The following CRAMP1 variants were observed in gnomAD, a reference collection of about 807,000 sequenced individuals.
CRAMP1 encodes cramped chromatin regulator 1.
CRAMP1 carries 50 observed loss-of-function variants against 115.4 expected under a neutral mutation model. The observed-to-expected ratio is 0.43, with a 90% CI of 0.35 to 0.55. The LOEUF (loss-of-function observed/expected upper bound fraction) is 0.55. Ranked by LOEUF, CRAMP1 falls within the 20% of genes least tolerant of loss-of-function variation. The pLI, the probability that CRAMP1 is intolerant of heterozygous loss-of-function variation, is 0.01. For missense variants in CRAMP1, 1,679 were observed against 1,721.7 expected (o/e 0.98, Z 0.44); for synonymous variants, 866 against 745.4 (o/e 1.16, Z -2.64).
intron 3 of CRAMP1, among the ~76,000 whole-genome samples, chr16:1,627,149 CTT>C (rs879787589): frequency 5.5e-5 from 8 of 144,814 alleles, no homozygotes; most frequent in Admixed American, 6.9e-5. Context: ...GAGCCTTGTT[CTT>C]TTTTTTTTTT....
At chr16:1,634,792 G>A (rs935604898) in intron 4 of CRAMP1, among the ~76,000 whole-genome samples, 1 of 152,250 alleles carries the variant, frequency 6.6e-6, no homozygotes, top group Non-Finnish European at 1.5e-5. Flanking sequence ...TGAGGCTGGA[G>A]GCCACTAGGA....
Position 1,660,037 on chromosome 16 carries a change from C to T in CRAMP1, c.2387C>T (p.Pro796Leu), listed in dbSNP as rs915938562. Reference sequence around the variant, plus strand: ...TCCCTCCGCAGCAGCAAGACCTTCCCGCCCAGCTCTGCACCCTGCTCCTCA... The same window carrying T: ...TCCCTCCGCAGCAGCAAGACCTTCCTGCCCAGCTCTGCACCCTGCTCCTCA... ...QASLRSSKTFPPSSAPCSSGL... is the reference protein window; with the variant it reads ...QASLRSSKTFLPSSAPCSSGL... The change falls in exon 11 of 21, where the codon CCG becomes CTG. Residue 796 changes from proline (P) to leucine (L), a missense_variant. Transcript: ENST00000397412. 2.6e-5 allele frequency: 42 copies of T among 1,595,504 alleles called. No homozygotes were observed. The highest frequency in any genetic ancestry group is 2.2e-4 in the East Asian group (10 of 44,628).
chr16:1,659,169 A>G (rs942977108), intron 10 of CRAMP1, among the ~76,000 whole-genome samples: 8 of 152,174 alleles, frequency 5.3e-5, no homozygotes, highest in African/African-American at 1.4e-4. Flanking sequence ...TCACAAGCAG[A>G]GAGGCTGCTG....
chr16:1,650,544 C>G (rs1274932314), intron 6 of CRAMP1, among the ~76,000 whole-genome samples: 2 of 152,208 alleles, frequency 1.3e-5, no homozygotes, highest in South Asian at 2.1e-4. Context: ...CTCATCTCAT[C>G]GAAGCTAACC....
Position 1,649,448 on chromosome 16 carries a change from C to T in CRAMP1, c.828-3048C>T, listed in dbSNP as rs145446799. On this transcript the variant is annotated intron_variant, in intron 6 of 20. Transcript: ENST00000397412. ...CCCAGCTGCTGCTCCTGCCTTTCTG[C>T]CAATTGGGACCTCACTGTTTGGCCT... Among the ~76,000 whole-genome samples, 3 of 151,412 alleles carry T rather than the reference C, an allele frequency of 2.0e-5. No individual in the cohort carries two copies. The East Asian group carries it at 5.8e-4, about 29-fold the overall frequency.
At chr16:1,667,019 G>C (rs1374754597) in intron 16 of CRAMP1, among the ~76,000 whole-genome samples, 1 of 152,212 alleles carries the variant, frequency 6.6e-6, no homozygotes, top group African/African-American at 2.4e-5. Context: ...GGCCACTTCA[G>C]AGCTGCCCCA....
At chr16:1,630,412 A>T (rs1040815571) in intron 3 of CRAMP1, among the ~76,000 whole-genome samples, 1 of 152,166 alleles carries the variant, frequency 6.6e-6, no homozygotes, top group Non-Finnish European at 1.5e-5. Context: ...TCAGCCTCCT[A>T]AAGTGCTGGG....
At chr16:1,667,308 C>A in intron 16 of CRAMP1, 27 bp from the exon 17 acceptor site, 1 of 1,606,650 alleles carries the variant, frequency 6.2e-7, no homozygotes, top group South Asian at 1.1e-5. Flanking sequence ...CACCCTGCGG[C>A]TGCTCATGGG....
chr16:1,641,298 A>G lies in CRAMP1; in HGVS notation c.827+111A>G, dbSNP rs78934435. On this transcript the variant is annotated intron_variant, in intron 6 of 20. Transcript: ENST00000397412. ...TGAGGACCTTCCGAGTTAAAACTTC[A>G]TAACCTCTCAGTTACGTGTTCAGTC... 4,486 of 797,440 alleles carry G rather than the reference A, an allele frequency of 5.6e-3. 135 individuals carry two copies. The African/African-American group carries it at 0.064, about 11-fold the overall frequency. 49.4% of individuals were successfully genotyped at this position (797,440 alleles called of 1,614,324 possible). A position where few individuals can be genotyped will look rare whatever the true frequency, so the allele number is the denominator to read the frequency against.
rs928141846 is a variant in CRAMP1 at position 1,674,194 on chromosome 16, G to A, written c.*149G>A. On this transcript the variant is annotated 3_prime_UTR_variant, in exon 21 of 21. Transcript: ENST00000397412. ...CGTGGTCACAGAGCTGCTTCCCCAC[G>A]AGCAGCAGGCAACGGCGTCCAAGGA... 4 of 750,730 alleles carry A rather than the reference G, an allele frequency of 5.3e-6. No individual in the cohort carries two copies. The highest frequency in any genetic ancestry group is 3.5e-5 in the African/African-American group (2 of 56,610). The allele number at this position is 750,730 out of a possible 1,614,324, so 46.5% of individuals were successfully genotyped here.
At chr16:1,626,311 C>T in intron 3 of CRAMP1, 145 bp downstream of exon 3, 1 of 580,950 alleles carries the variant, frequency 1.7e-6, no homozygotes, top group South Asian at 2.3e-5. Context: ...CTGATGTGGG[C>T]TCTAGCCTTG....
At chr16:1,633,181 A>C (rs2036560111) in intron 4 of CRAMP1, among the ~76,000 whole-genome samples, 1 of 152,076 alleles carries the variant, frequency 6.6e-6, no homozygotes, top group Admixed American at 6.5e-5. Context: ...TGGTGACCTA[A>C]AGTCCTTCGC....
chr16:1,656,200 C>T lies in CRAMP1; in HGVS notation c.1443C>T (p.Asp481=), dbSNP rs368272830. 1.7e-5 allele frequency: 27 copies of T among 1,601,926 alleles called. No individual in the cohort carries two copies. Among genetic ancestry groups the T allele is most frequent in the South Asian group, 1.4e-4 (13 of 90,618 alleles). Reference sequence around the variant, plus strand: ...TGGGGCGGCCCCCTCCTGCGGCTGACGCCTTGCAGAGCTCCGGAGAGAGTT... The same window carrying T: ...TGGGGCGGCCCCCTCCTGCGGCTGATGCCTTGCAGAGCTCCGGAGAGAGTT... ...KGVGRPPPAA[D]ALQSSGESSP... The change falls in exon 10 of 21, where the codon GAC becomes GAT. Residue 481 remains aspartate, a synonymous_variant. Transcript: ENST00000397412. The surrounding 1 kb of genome is among the most constrained non-coding windows in gnomAD (Gnocchi z 5.6).
intron 3 of CRAMP1, among the ~76,000 whole-genome samples, chr16:1,628,764 A>C (rs1026301240): frequency 6.6e-6 from 1 of 152,112 alleles, no homozygotes; most frequent in Non-Finnish European, 1.5e-5. Flanking sequence ...CCTCCCTGGG[A>C]GGGGTGCAGC....
intron 9 of CRAMP1, 77 bp downstream of exon 9, chr16:1,655,377 G>A: frequency 8.7e-7 from 1 of 1,150,060 alleles, no homozygotes; most frequent in Non-Finnish European, 1.3e-6. Context: ...GCCTCCCTGT[G>A]CCTGTCATCG....
At position 1,676,950 on chromosome 16, in the gene CRAMP1, A is replaced by G. The variant is rs7186654; in HGVS notation, c.*2905A>G. The G allele has an allele frequency of 0.16, 25,131 of 152,332 alleles. 2,998 individuals carry two copies. The highest frequency in any genetic ancestry group is 0.32 in the African/African-American group (13,293 of 41,482). 9.4% of individuals were successfully genotyped at this position (152,332 alleles called of 1,614,324 possible). A position where few individuals can be genotyped will look rare whatever the true frequency, so the allele number is the denominator to read the frequency against. ...TCTGGGCATGAGAGGCCGTGGCCTC[A>G]TTTCTGGTGGATAACCTTTTTAGTT... On this transcript the variant is annotated 3_prime_UTR_variant, in exon 21 of 21. Transcript: ENST00000397412.
chr16:1,631,268 A>G (rs1278993046), intron 3 of CRAMP1, among the ~76,000 whole-genome samples: 1 of 152,230 alleles, frequency 6.6e-6, no homozygotes, highest in Non-Finnish European at 1.5e-5. Flanking sequence ...TCTGGGGGTC[A>G]TGGTCCACCA....
intron 6 of CRAMP1, among the ~76,000 whole-genome samples, chr16:1,650,427 A>T (rs1427491207): frequency 6.6e-6 from 1 of 152,236 alleles, no homozygotes; most frequent in Admixed American, 6.5e-5. Flanking sequence ...ATTGTATTGG[A>T]ATAAGATTTT....
chr16:1,650,024 C>T (rs1596491420), intron 6 of CRAMP1, among the ~76,000 whole-genome samples: 1 of 152,062 alleles, frequency 6.6e-6, no homozygotes, highest in Non-Finnish European at 1.5e-5. Context: ...GAACTCCTGA[C>T]CTCAGCTGAT....
Sources: allele counts gnomAD v4.1 joint callset (sites outside exome capture counted in the v4.1 genomes callset), GRCh38; gene constraint gnomAD v4.1.1; non-coding constraint Gnocchi (gnomAD v3.1); transcripts MANE v1.5; gene names NCBI Gene and HGNC (gene_info 2026-07-23, HGNC 2026-07-21).